NAA11: variants seen among roughly 807,000 people sequenced by gnomAD.
NAA11 encodes N-alpha-acetyltransferase 11, NatA catalytic subunit.
NAA11 carries 15 observed loss-of-function variants against 16.1 expected under a neutral mutation model. The observed-to-expected ratio is 0.93, with a 90% confidence interval of 0.62 to 1.44. NAA11 has a LOEUF of 1.44. NAA11 is among the 40% of genes most tolerant of loss of function. NAA11 has a pLI of 0.00. For missense variants in NAA11, 298 were observed against 291.3 expected, an observed-to-expected ratio of 1.02 and a Z score of -0.17; for synonymous variants, 122 against 112.4, an observed-to-expected ratio of 1.09 and a Z score of -0.54.
At chr4:79,263,127 C>T (rs1050846288) in intron 2 of NAA11, among the ~76,000 whole-genome samples, 4 of 151,992 alleles carry the variant, frequency 2.6e-5, no homozygotes, top group Admixed American at 6.6e-5. Flanking sequence ...CAAGAAAAAT[C>T]GTGGTATTTT....
At chr4:79,179,835 G>A in the NAA11 span, among the ~76,000 whole-genome samples, 1 of 152,184 alleles carries the variant, frequency 6.6e-6, no homozygotes, top group African/African-American at 2.4e-5. Context: ...ATAAAGGAAG[G>A]AGGTTTAATT....
chr4:79,209,345 A>G, the NAA11 span, among the ~76,000 whole-genome samples: 1 of 152,186 alleles, frequency 6.6e-6, no homozygotes, highest in Non-Finnish European at 1.5e-5. Flanking sequence ...ACTTCCTTAT[A>G]AATTCCTAAA....
intron 2 of NAA11, among the ~76,000 whole-genome samples, chr4:79,231,037 G>C (rs1200021068): frequency 6.6e-6 from 1 of 151,990 alleles, no homozygotes; most frequent in African/African-American, 2.4e-5. Flanking sequence ...CATGAGAGTA[G>C]GAATGTATCT....
At chr4:79,217,571 A>G in the NAA11 span, among the ~76,000 whole-genome samples, 2 of 152,234 alleles carry the variant, frequency 1.3e-5, no homozygotes, top group Non-Finnish European at 2.9e-5. Flanking sequence ...TAAAGAGTCA[A>G]GCAATGTTTT....
chr4:79,281,343 T>A (rs908634288), intron 2 of NAA11, among the ~76,000 whole-genome samples: 1 of 151,214 alleles, frequency 6.6e-6, no homozygotes, highest in Non-Finnish European at 1.5e-5. Flanking sequence ...GCATAGATAA[T>A]AAATACATAT....
At chr4:79,270,430 G>C (rs981415531) in intron 2 of NAA11, among the ~76,000 whole-genome samples, 1 of 150,506 alleles carries the variant, frequency 6.6e-6, no homozygotes, top group Non-Finnish European at 1.5e-5. Context: ...TGGATTCACC[G>C]CCGAATTCTA....
At chr4:79,309,711 TTTC>T (rs1450607362) in intron 1 of NAA11, among the ~76,000 whole-genome samples, 2 of 127,986 alleles carry the variant, frequency 1.6e-5, no homozygotes, top group African/African-American at 2.8e-5. Context: ...GTTTTTTTTT[TTTC>T]TTTTTTTTTT....
intron 2 of NAA11, among the ~76,000 whole-genome samples, chr4:79,252,104 G>T (rs910549947): frequency 1.3e-5 from 2 of 152,200 alleles, no homozygotes; most frequent in Non-Finnish European, 2.9e-5. Context: ...AATATTGCAT[G>T]TTCTCACTTA....
At chr4:79,295,886 CTTCTG>C (rs541939648) in intron 1 of NAA11, among the ~76,000 whole-genome samples, 96 of 152,154 alleles carry the variant, frequency 6.3e-4, no homozygotes, top group Non-Finnish European at 1.9e-4. Context: ...ACAATTTGTT[CTTCTG>C]TTCTGAGAGT....
At chr4:79,322,828 G>A (rs1724137562) in intron 1 of NAA11, among the ~76,000 whole-genome samples, 1 of 152,008 alleles carries the variant, frequency 6.6e-6, no homozygotes, top group South Asian at 2.1e-4. Context: ...AAACTTTCAG[G>A]TTATTAAAAG....
At chr4:79,167,810 G>A in the NAA11 span, among the ~76,000 whole-genome samples, 4 of 151,964 alleles carry the variant, frequency 2.6e-5, no homozygotes, top group East Asian at 1.9e-4. Flanking sequence ...TCACATGGCT[G>A]GGTCAAAAGG....
At chr4:79,158,791 A>G in the NAA11 span, among the ~76,000 whole-genome samples, 1 of 151,278 alleles carries the variant, frequency 6.6e-6, no homozygotes, top group Non-Finnish European at 1.5e-5. Flanking sequence ...AACAGAATAG[A>G]GAGCACAAAA....
the NAA11 span, among the ~76,000 whole-genome samples, chr4:79,168,715 G>A: frequency 1.3e-5 from 2 of 152,080 alleles, no homozygotes; most frequent in South Asian, 4.1e-4. Flanking sequence ...CTTTGATGGG[G>A]TTGTTTGTTT....
At chr4:79,229,919 CA>C (rs1299647091) in intron 2 of NAA11, among the ~76,000 whole-genome samples, 4 of 151,928 alleles carry the variant, frequency 2.6e-5, no homozygotes, top group African/African-American at 9.7e-5. Flanking sequence ...TGAAACAAAT[CA>C]AGATGCTGCC....
At position 79,255,200 on chromosome 4, in the gene NAA11, A is replaced by G. The variant is rs998447787; in HGVS notation, c.*123-28930T>C. Among the ~76,000 whole-genome samples the G allele has an allele frequency of 6.2e-4, 95 of 152,260 alleles. 1 individual carries two copies. Among genetic ancestry groups the G allele is most frequent in the African/African-American group, 2.2e-3 (93 of 41,556 alleles). On this transcript the variant is annotated intron_variant and NMD_transcript_variant, in intron 2 of 2. Transcript: ENST00000511542. The stretch of plus-strand genomic sequence containing the variant: ...GGAAGAGGGAGTGAAAAGAGCATAC[A>G]TTATAACAACTTTTTCCATTGTTGA...
At chr4:79,258,169 T>C (rs1722162193) in intron 2 of NAA11, among the ~76,000 whole-genome samples, 1 of 152,234 alleles carries the variant, frequency 6.6e-6, no homozygotes, top group Non-Finnish European at 1.5e-5. Flanking sequence ...CCCTGTGCTC[T>C]TGGGGATTCT....
chr4:79,268,576 A>T (rs1722402911), intron 2 of NAA11, among the ~76,000 whole-genome samples: 1 of 152,168 alleles, frequency 6.6e-6, no homozygotes, highest in South Asian at 2.1e-4. Context: ...ACTGACTCCA[A>T]AAGAAGTGAC....
chr4:79,288,426 C>T (rs1722999850), intron 2 of NAA11, among the ~76,000 whole-genome samples: 1 of 152,072 alleles, frequency 6.6e-6, no homozygotes, highest in Admixed American at 6.5e-5. Context: ...AAGGAAGAGG[C>T]ATTAAAAGAT....
At position 79,247,321 on chromosome 4, in the gene NAA11, C is replaced by A. The variant is rs189138354; in HGVS notation, c.*123-21051G>T. Among the ~76,000 whole-genome samples, 412 of 152,156 alleles carry A rather than the reference C, an allele frequency of 2.7e-3. 2 individuals carry two copies. The highest frequency in any genetic ancestry group is 4.3e-3 in the Non-Finnish European group (290 of 68,008). On this transcript the variant is annotated intron_variant and NMD_transcript_variant, in intron 2 of 2. Coordinates refer to the NAA11 transcript ENST00000511542. ...TTATCCACATTGAAGCTTATTTTTT[C>A]TTGTTACCTTCACTACATTTCTGAG...
Sources: allele counts gnomAD v4.1 joint callset (sites outside exome capture counted in the v4.1 genomes callset), GRCh38; gene constraint gnomAD v4.1.1; transcripts MANE v1.5; gene names NCBI Gene and HGNC (gene_info 2026-07-23, HGNC 2026-07-21).